SPINK6: variants seen among roughly 807,000 people sequenced by gnomAD.
The protein encoded by SPINK6 is serine peptidase inhibitor Kazal type 6.
Under a neutral mutation model 11.7 loss-of-function variants are expected in SPINK6, and 13 were observed. That is an observed-to-expected ratio of 1.11 (90% CI 0.72 to 1.76). The LOEUF is 1.76. Among genes scored for constraint, SPINK6 ranks in the 40% most tolerant of loss-of-function variants. SPINK6 has a pLI of 0.00. For missense variants in SPINK6, 98 were observed against 93.7 expected (o/e 1.05, Z -0.19); for synonymous variants, 21 against 31.9 (o/e 0.66, Z 1.15).
intron 1 of SPINK6, 108 bp from the exon 2 acceptor site, chr5:148,205,928 A>T: frequency 8.6e-7 from 1 of 1,161,918 alleles, no homozygotes; most frequent in Non-Finnish European, 1.3e-6. Context: ...ATGACTTTTT[A>T]AGATAGCCAA....
intron 1 of SPINK6, among the ~76,000 whole-genome samples, 169 bp from the exon 2 acceptor site, chr5:148,205,866 TA>T (rs374061208): frequency 8.1e-4 from 113 of 140,172 alleles, no homozygotes; most frequent in South Asian, 6.8e-4. Context: ...GTGAGCAGAT[TA>T]AAAAAAAAAA....
At chr5:148,209,650 T>A (rs908002294) in intron 2 of SPINK6, among the ~76,000 whole-genome samples, 1 of 151,974 alleles carries the variant, frequency 6.6e-6, no homozygotes, top group Non-Finnish European at 1.5e-5. Flanking sequence ...CCAGCCGAAA[T>A]TAAGGAGATA....
chr5:148,214,084 A>G, intron 3 of SPINK6, 59 bp downstream of exon 3: 1 of 1,057,888 alleles, frequency 9.5e-7, no homozygotes, highest in Non-Finnish European at 1.4e-6. Context: ...TAATAAGACT[A>G]AGACACTTTT....
At chr5:148,214,392 T>C (rs764931869) in intron 3 of SPINK6, among the ~76,000 whole-genome samples, 12 of 152,198 alleles carry the variant, frequency 7.9e-5, no homozygotes, top group Non-Finnish European at 1.8e-4. Context: ...ATAATGAACA[T>C]ATGTCTACAC....
At chr5:148,209,429 T>C (rs1755540012) in intron 2 of SPINK6, among the ~76,000 whole-genome samples, 1 of 152,128 alleles carries the variant, frequency 6.6e-6, no homozygotes, top group African/African-American at 2.4e-5. Flanking sequence ...CTTAAGCAAA[T>C]ATAAGGTAGT....
chr5:148,204,504 G>C (rs559626519), intron 1 of SPINK6, among the ~76,000 whole-genome samples: 3 of 149,714 alleles, frequency 2.0e-5, no homozygotes, highest in Non-Finnish European at 4.4e-5. Context: ...GTATTTGGGA[G>C]GCCATAATGC....
chr5:148,212,488 A>ATATATATAAAATATATATTT (rs1554112540), intron 2 of SPINK6, among the ~76,000 whole-genome samples: 1 of 87,952 alleles, frequency 1.1e-5, no homozygotes, highest in Non-Finnish European at 2.2e-5. Context: ...TTTTATATAT[A>ATATATATAAAATATATATTT]TATATATATA....
intron 2 of SPINK6, among the ~76,000 whole-genome samples, chr5:148,212,250 C>T (rs545210458): frequency 8.9e-4 from 135 of 151,634 alleles, no homozygotes; most frequent in African/African-American, 3.0e-3. Flanking sequence ...ATAGTGCAAC[C>T]TTAGAATCAT....
intron 1 of SPINK6, among the ~76,000 whole-genome samples, chr5:148,204,235 A>T (rs1238538265): frequency 1.3e-5 from 2 of 152,042 alleles, no homozygotes; most frequent in East Asian, 3.9e-4. Flanking sequence ...AATACAAAAA[A>T]AATGGGTAAA....
At chr5:148,209,728 C>T (rs1755544350) in intron 2 of SPINK6, among the ~76,000 whole-genome samples, 1 of 151,240 alleles carries the variant, frequency 6.6e-6, no homozygotes, top group African/African-American at 2.4e-5. Flanking sequence ...TTGGAACTGG[C>T]AAAGAAAATG....
At chr5:148,212,569 AT>A (rs1448312548) in intron 2 of SPINK6, among the ~76,000 whole-genome samples, 1 of 92,330 alleles carries the variant, frequency 1.1e-5, no homozygotes, top group African/African-American at 4.1e-5. Flanking sequence ...TATAATATAT[AT>A]TATATATTAT....
intron 2 of SPINK6, among the ~76,000 whole-genome samples, chr5:148,209,963 C>CAAACACACGTACGTATGTATGT (rs1561732054): frequency 1.3e-5 from 2 of 149,182 alleles, no homozygotes; most frequent in African/African-American, 2.5e-5. Context: ...TATATGTATA[C>CAAACACACGTACGTATGTATGT]ATACATACGT....
At chr5:148,210,574 C>T (rs1346692560) in intron 2 of SPINK6, among the ~76,000 whole-genome samples, 1 of 151,280 alleles carries the variant, frequency 6.6e-6, no homozygotes, top group African/African-American at 2.4e-5. Context: ...TTTTCAGTAC[C>T]ATATGGGAAA....
intron 2 of SPINK6, among the ~76,000 whole-genome samples, chr5:148,212,060 A>G (rs1755605556): frequency 7.4e-6 from 1 of 136,002 alleles, no homozygotes; most frequent in African/African-American, 2.6e-5. Context: ...ATAATGGCTC[A>G]AATGTCATTT....
intron 1 of SPINK6, 135 bp from the exon 2 acceptor site, chr5:148,205,891 AAAACAAAAAC>A: frequency 1.2e-6 from 1 of 850,764 alleles, no homozygotes. Flanking sequence ...GAAGAAGAAG[AAAACAAAAAC>A]AAACAAAAAA....
At chr5:148,207,249 T>C (rs879480587) in intron 2 of SPINK6, among the ~76,000 whole-genome samples, 19 of 152,216 alleles carry the variant, frequency 1.2e-4, no homozygotes, top group African/African-American at 4.6e-4. Flanking sequence ...TAGTAAAATA[T>C]AGTAAAACCA....
intron 1 of SPINK6, 21 bp from the exon 2 acceptor site, chr5:148,206,015 A>C (rs1455725217): frequency 6.2e-7 from 1 of 1,613,730 alleles, no homozygotes; most frequent in African/African-American, 1.3e-5. Flanking sequence ...ACAGTGTTTG[A>C]ATGTTGTGCT....
chr5:148,212,598 A>T (rs1325397810), intron 2 of SPINK6, among the ~76,000 whole-genome samples: 1 of 104,600 alleles, frequency 9.6e-6, no homozygotes, highest in South Asian at 2.4e-4. Flanking sequence ...TATTTTATAT[A>T]ATATATAATA....
In SPINK6 at chr5:148,209,979, T is replaced by TGCATGTATACATACATACGTAC. The variant is rs1554112239; in HGVS notation, c.81+3922_81+3923insCATGTATACATACATACGTACG. Among the ~76,000 whole-genome samples the TGCATGTATACATACATACGTAC allele has an allele frequency of 6.0e-4, 87 of 145,606 alleles. 1 individual carries two copies. Among genetic ancestry groups the TGCATGTATACATACATACGTAC allele is most frequent in the African/African-American group, 2.3e-3 (83 of 36,166 alleles). On this transcript the variant is annotated intron_variant, in intron 2 of 3. Transcript: ENST00000325630. The stretch of plus-strand genomic sequence containing the variant: ...ATATGTATACATACATACGTACGTA[T>TGCATGTATACATACATACGTAC]GTATGTATACATATACACGTATGTA...
Sources: gnomAD v4.1 joint callset for allele counts (sites outside exome capture counted in the v4.1 genomes callset) on GRCh38, gnomAD v4.1.1 for gene constraint, MANE v1.5 for transcripts, NCBI Gene and HGNC (gene_info 2026-07-23, HGNC 2026-07-21) for gene names.